The following KAT2A variants were observed in gnomAD, a reference collection of about 807,000 sequenced individuals.
The protein encoded by KAT2A is histone acetyltransferase KAT2A.
A neutral mutation model predicts 95.2 loss-of-function variants in KAT2A; 42 were observed. The observed-to-expected ratio is 0.44, with a 90% CI of 0.34 to 0.57. The LOEUF is 0.57. Among genes scored for constraint, KAT2A ranks in the 20% least tolerant of loss-of-function variants. KAT2A has a pLI of 0.01. For synonymous variants in KAT2A, 449 were observed against 448.2 expected, an observed-to-expected ratio of 1.00 and a Z score of -0.02; for missense variants, 784 against 1,126.3, an observed-to-expected ratio of 0.70 and a Z score of 4.35.
Position 42,114,018 on chromosome 17 carries a change from C to T in KAT2A, c.2302G>A (p.Val768Ile), listed in dbSNP as rs1555665370. The change falls in exon 17 of 18, where the codon GTC (valine) becomes ATC (isoleucine). Residue 768 changes from valine to isoleucine, a missense_variant. Physicochemically the swap from Val to Ile is conservative, Grantham distance 29. Coordinates refer to ENST00000225916, the MANE Select transcript of KAT2A (RefSeq NM_021078.3). This position sits in a 1 kb window ranked among gnomAD's most constrained non-coding sequence, Gnocchi z 6.0. ...TCCTCACCAATGGGGAAGCGGATGA[C>T]CTCGTAGTAGTCAGGGGCCTCCGAC... ...KKSEAPDYYE[V>I]IRFPIDLKTM... The T allele has an allele frequency of 2.0e-6, 3 of 1,517,790 alleles. No individual in the cohort carries two copies. Among genetic ancestry groups the T allele is most frequent in the Non-Finnish European group, 2.6e-6 (3 of 1,138,210 alleles). 94.0% of individuals were successfully genotyped at this position (1,517,790 alleles called of 1,614,324 possible).
rs149934059 is a variant in KAT2A, at chr17:42,117,121, T to C, written c.1678A>G (p.Ile560Val). ...AACATGCGGAAGCAGATGCCACCGA[T>C]GACCCGCCCATCCTTGATCAAGGCC... ...TLALIKDGRV[I>V]GGICFRMFPT... The change falls in exon 11 of 18, where the codon ATC (isoleucine) becomes GTC (valine). Residue 560 changes from isoleucine (I) to valine (V), a missense_variant. This residue lies in a region of KAT2A where 174 missense variants were observed against 324.9 expected (regional missense o/e 0.54). Transcript: ENST00000225916. The surrounding 1 kb of genome is among the most constrained non-coding windows in gnomAD (Gnocchi z 8.9). 2.2e-5 allele frequency: 35 copies of C among 1,614,020 alleles called. No individual in the cohort carries two copies. The highest frequency in any genetic ancestry group is 4.5e-5 in the East Asian group (2 of 44,900).
chr17:42,118,180 G>A, intron 7 of KAT2A, 117 bp downstream of exon 7: 2 of 875,986 alleles, frequency 2.3e-6, no homozygotes, highest in South Asian at 3.1e-5. Flanking sequence ...GCTGAAGCCG[G>A]TGGCAGGTCC....
chr17:42,120,660 A>T (rs781819932), intron 2 of KAT2A, 46 bp downstream of exon 2: 2 of 1,611,372 alleles, frequency 1.2e-6, no homozygotes, highest in East Asian at 4.5e-5. Context: ...CTGTCCAAGC[A>T]GGACCCAGCA....
chr17:42,119,067 A>G lies in KAT2A; in HGVS notation c.1073+178T>C. 1 of 1,461,622 alleles carries G rather than the reference A, an allele frequency of 6.8e-7. No individual in the cohort carries two copies. Among genetic ancestry groups the G allele is most frequent in the Non-Finnish European group, 9.0e-7 (1 of 1,108,172 alleles). 90.5% of individuals were successfully genotyped at this position (1,461,622 alleles called of 1,614,324 possible). A position where few individuals can be genotyped will look rare whatever the true frequency, so the allele number is the denominator to read the frequency against. On this transcript the variant is annotated intron_variant, in intron 6 of 17. Transcript: ENST00000225916. The surrounding 1 kb of genome is among the most constrained non-coding windows in gnomAD (Gnocchi z 5.3). ...TGGGCTATGTACCTGCCATCCCCAG[A>G]CTAGTACTAGCAAGTTGCTTCTGGG...
At position 42,117,621 on chromosome 17, in the gene KAT2A, G is replaced by C. The variant is rs199558402; in HGVS notation, c.1429-25C>G. 6.2e-7 allele frequency: 1 copy of C among 1,607,536 alleles called. No individual in the cohort carries two copies. Among genetic ancestry groups the C allele is most frequent in the African/African-American group, 1.3e-5 (1 of 74,936 alleles). On this transcript the variant is annotated intron_variant, in intron 9 of 17. Transcript: ENST00000225916. The surrounding 1 kb of genome is among the most constrained non-coding windows in gnomAD (Gnocchi z 8.9). The stretch of plus-strand genomic sequence containing the variant: ...TCTGGGCACAGAAGAGGGGTGGTGA[G>C]CCGGGGTCTCAGGTTGGTGGGGGTC...
intron 11 of KAT2A, among the ~76,000 whole-genome samples, chr17:42,116,778 T>A (rs1232973976): frequency 2.0e-5 from 3 of 152,184 alleles, no homozygotes; most frequent in Non-Finnish European, 4.4e-5. Context: ...TGTATGTAAA[T>A]GTTCTTGTGA....
chr17:42,113,566 G>C lies in KAT2A; in HGVS notation c.*83C>G. The C allele has an allele frequency of 7.3e-7, 1 of 1,378,620 alleles. No individual in the cohort carries two copies. Among genetic ancestry groups the C allele is most frequent in the Non-Finnish European group, 9.9e-7 (1 of 1,008,038 alleles). 85.4% of individuals were successfully genotyped at this position (1,378,620 alleles called of 1,614,324 possible). ...GAGTGTCTCAAGCTGAGTCGGGTCC[G>C]TGGGGCCAGGGCACCCCCTAAGGAT... On this transcript the variant is annotated 3_prime_UTR_variant, in exon 18 of 18. Transcript: ENST00000225916.
At position 42,115,711 on chromosome 17, in the gene KAT2A, G is replaced by A. The variant is rs782299687; in HGVS notation, c.1875+12C>T. Reference sequence around the variant, plus strand: ...AGGCAAAGGACCGGTGTGGGACGAGGCTACGGGTCACCTGCTTTTTGAAGT... The same window carrying A: ...AGGCAAAGGACCGGTGTGGGACGAGACTACGGGTCACCTGCTTTTTGAAGT... On this transcript the variant is annotated intron_variant, in intron 12 of 17. Transcript: ENST00000225916. The A allele has an allele frequency of 4.5e-6, 7 of 1,554,986 alleles. No individual in the cohort carries two copies. Among genetic ancestry groups the A allele is most frequent in the African/African-American group, 1.4e-5 (1 of 73,654 alleles).
rs782771537 is a variant in KAT2A at position 42,120,918 on chromosome 17, C to A, written c.339+48G>T. On this transcript the variant is annotated intron_variant, in intron 1 of 17. Transcript: ENST00000225916. ...GCTTTGACCCCATTCCCACCAGAGC[C>A]CTGGGATGCCCCAAGCCCCGCCCCT... 2.4e-5 allele frequency: 37 copies of A among 1,554,418 alleles called. No homozygotes were observed. The South Asian group carries it at 3.9e-4, about 17-fold the overall frequency.
intron 11 of KAT2A, among the ~76,000 whole-genome samples, chr17:42,116,446 G>T (rs782013815): frequency 1.3e-5 from 2 of 152,228 alleles, no homozygotes; most frequent in Non-Finnish European, 2.9e-5. Context: ...GGCTGGGCGC[G>T]GTGGCTCATG....
At chr17:42,120,578 C>A (rs115611671) in intron 2 of KAT2A, 128 bp downstream of exon 2, 138 of 1,272,650 alleles carry the variant, frequency 1.1e-4, no homozygotes, top group Admixed American at 1.9e-4. Flanking sequence ...GTGCACACCC[C>A]CCCCCAACCC....
At position 42,119,236 on chromosome 17, in the gene KAT2A, G is replaced by A; in HGVS notation, c.1073+9C>T. 6.3e-7 allele frequency: 1 copy of A among 1,595,130 alleles called. No individual in the cohort carries two copies. The highest frequency in any genetic ancestry group is 1.7e-4 in the Middle Eastern group (1 of 5,976). ...GGGCCAAATCCTGGTAGGCCAGAAG[G>A]AGCCTTACTTGGGGAAGTGAGTGAG... is the stretch of plus-strand genomic sequence containing the variant. On this transcript the variant is annotated intron_variant, in intron 6 of 17. Coordinates refer to ENST00000225916, the MANE Select transcript of KAT2A (RefSeq NM_021078.3). This position sits in a 1 kb window ranked among gnomAD's most constrained non-coding sequence, Gnocchi z 5.3.
At position 42,119,765 on chromosome 17, in the gene KAT2A, AGCCCGCAGG is replaced by A. The variant is rs1172859640; in HGVS notation, c.700-56_700-48del. 2.0e-6 allele frequency: 3 copies of A among 1,495,382 alleles called. No homozygotes were observed. The highest frequency in any genetic ancestry group is 2.7e-6 in the Non-Finnish European group (3 of 1,101,372). 92.6% of individuals were successfully genotyped at this position (1,495,382 alleles called of 1,614,324 possible). ...ATAAAACCAGGAATGAGGTGTGAGC[AGCCCGCAGG>A]GCCTTCTTAGACAAAGGAAGATGCT... is the stretch of plus-strand genomic sequence containing the variant. On this transcript the variant is annotated intron_variant, in intron 4 of 17. Transcript: ENST00000225916. This position sits in a 1 kb window ranked among gnomAD's most constrained non-coding sequence, Gnocchi z 5.3.
At position 42,117,174 on chromosome 17, in the gene KAT2A, G is replaced by A. The variant is rs782698391; in HGVS notation, c.1638-13C>T. ...AGTCTTGTGCTTCCTAAGAGAGAGG[G>A]GGGCATGTCATAGCCCCTGACTGTC... On this transcript the variant is annotated splice_polypyrimidine_tract_variant and intron_variant, in intron 10 of 17. Coordinates refer to ENST00000225916, the MANE Select transcript of KAT2A (RefSeq NM_021078.3). This position sits in a 1 kb window ranked among gnomAD's most constrained non-coding sequence, Gnocchi z 8.9. 2 of 1,613,592 alleles carry A rather than the reference G, an allele frequency of 1.2e-6. No individual in the cohort carries two copies. Among genetic ancestry groups the A allele is most frequent in the Non-Finnish European group, 1.7e-6 (2 of 1,179,994 alleles).
rs2054228674 is a variant in KAT2A at position 42,114,659 on chromosome 17, C to T, written c.2020-55G>A. ...CTCCAGCCCCAACAACAACCCCTCC[C>T]AGGGCCACAGTCGGAGCCACTGGCT... On this transcript the variant is annotated intron_variant, in intron 13 of 17. Transcript: ENST00000225916. This position sits in a 1 kb window ranked among gnomAD's most constrained non-coding sequence, Gnocchi z 6.0. 6.7e-7 allele frequency: 1 copy of T among 1,498,624 alleles called. No individual in the cohort carries two copies. The highest frequency in any genetic ancestry group is 1.7e-5 in the Admixed American group (1 of 59,096). The allele number at this position is 1,498,624 out of a possible 1,614,324, so 92.8% of individuals were successfully genotyped here. A position where few individuals can be genotyped will look rare whatever the true frequency, so the allele number is the denominator to read the frequency against.
Position 42,119,141 on chromosome 17 carries a change from G to A in KAT2A, c.1073+104C>T. ...ACGCCCAGATCCCAAAAGGCCCATG[G>A]AGGGAGAGGAGGGACCAATCCAGGA... On this transcript the variant is annotated intron_variant, in intron 6 of 17. Coordinates refer to ENST00000225916, the MANE Select transcript of KAT2A (RefSeq NM_021078.3). The surrounding 1 kb of genome is among the most constrained non-coding windows in gnomAD (Gnocchi z 5.3). 6.6e-7 allele frequency: 1 copy of A among 1,510,898 alleles called. No individual in the cohort carries two copies. 93.6% of individuals were successfully genotyped at this position (1,510,898 alleles called of 1,614,324 possible).
chr17:42,117,958 C>T lies in KAT2A; in HGVS notation c.1240G>A (p.Gly414Ser). The change falls in exon 8 of 18, where the codon GGC (glycine) becomes AGC (serine). Residue 414 changes from glycine (G) to serine (S), a missense_variant. Around this residue, in one of 6 missense-constraint regions of KAT2A, gnomAD observed 63 missense variants for 70.1 expected, o/e 0.90. Transcript: ENST00000225916. This position sits in a 1 kb window ranked among gnomAD's most constrained non-coding sequence, Gnocchi z 8.9. ...TCCAGACTCAGGGAGCTGTTGCTGC[C>T]CCCACCCATGCTGGGGCTGAAGATG... ...TPIFSPSMGG[G>S]SNSSLSLDSA... 4 of 1,608,718 alleles carry T rather than the reference C, an allele frequency of 2.5e-6. No homozygotes were observed. The highest frequency in any genetic ancestry group is 1.7e-4 in the Middle Eastern group (1 of 6,040).
In KAT2A at chr17:42,114,637, C is replaced by T. The variant is rs1555665601; in HGVS notation, c.2020-33G>A. 3 of 1,575,658 alleles carry T rather than the reference C, an allele frequency of 1.9e-6. No individual in the cohort carries two copies. The highest frequency in any genetic ancestry group is 2.6e-6 in the Non-Finnish European group (3 of 1,149,414). Reference sequence around the variant, plus strand: ...AAGGAAGGGACTGAGGGGCCAACTCCAGCCCCAACAACAACCCCTCCCAGG... The same window carrying T: ...AAGGAAGGGACTGAGGGGCCAACTCTAGCCCCAACAACAACCCCTCCCAGG... On this transcript the variant is annotated intron_variant, in intron 13 of 17. Coordinates refer to ENST00000225916, the MANE Select transcript of KAT2A (RefSeq NM_021078.3). This position sits in a 1 kb window ranked among gnomAD's most constrained non-coding sequence, Gnocchi z 6.0.
chr17:42,118,062 G>C, intron 7 of KAT2A, 45 bp from the exon 8 acceptor site: 1 of 1,244,458 alleles, frequency 8.0e-7, no homozygotes, highest in South Asian at 1.4e-5. Flanking sequence ...TGAAGCTGAG[G>C]AGAGAGAGAG....
Sources: allele counts gnomAD v4.1 joint callset (sites outside exome capture counted in the v4.1 genomes callset), GRCh38; gene constraint gnomAD v4.1.1; regional missense constraint gnomAD v4.1.1; non-coding constraint Gnocchi (gnomAD v3.1); transcripts MANE v1.5; gene names NCBI Gene and HGNC (gene_info 2026-07-23, HGNC 2026-07-21).